The following DOCK8 variants were observed in gnomAD, a reference collection of about 807,000 sequenced individuals.
The protein encoded by DOCK8 is dedicator of cytokinesis 8.
DOCK8 carries 141 observed loss-of-function variants against 245.6 expected under a neutral mutation model. The observed-to-expected ratio is 0.57, with a 90% CI of 0.50 to 0.66. The LOEUF (loss-of-function observed/expected upper bound fraction) is 0.66, where lower values mean the gene tolerates loss of function less well. Among genes scored for constraint, DOCK8 ranks in the 30% least tolerant of loss-of-function variants. The probability of loss-of-function intolerance (pLI) is 0.00; values close to 1 mark genes in which losing one functional copy is unlikely to be tolerated. For missense variants in DOCK8, 2,965 were observed against 2,603.4 expected, an observed-to-expected ratio of 1.14 and a Z score of -3.02; for synonymous variants, 1,168 against 970.2, an observed-to-expected ratio of 1.20 and a Z score of -3.79.
chr9:407,013 C>T lies in DOCK8; in HGVS notation c.3474C>T (p.Phe1158=). Residue 1158 remains phenylalanine (F), a synonymous_variant, in exon 28 of 48, where the codon TTC becomes TTT. Transcript: ENST00000432829. ...CTTCCGAGTACCGCCAGCAGCACTT[C>T]CTCACCGGGCTCCTCTTCACAGAAC... ...DLTSEYRQQH[F]LTGLLFTELA... is the part of the protein sequence containing the mutation. 6.2e-7 allele frequency: 1 copy of T among 1,614,164 alleles called. No individual in the cohort carries two copies. The highest frequency in any genetic ancestry group is 8.5e-7 in the Non-Finnish European group (1 of 1,180,030).
intron 13 of DOCK8, 130 bp from the exon 14 acceptor site, chr9:340,029 C>T (rs557010566): frequency 3.4e-4 from 338 of 985,668 alleles, no homozygotes; most frequent in Non-Finnish European, 4.7e-4. Flanking sequence ...AGGAAATTAG[C>T]TCCAAAACTT....
chr9:283,885 T>A (rs1376559811), intron 2 of DOCK8, among the ~76,000 whole-genome samples: 1 of 152,230 alleles, frequency 6.6e-6, no homozygotes, highest in Non-Finnish European at 1.5e-5. Flanking sequence ...TTTGTATATG[T>A]AAATATGACA....
chr9:291,792 G>C (rs1247379097), intron 4 of DOCK8, among the ~76,000 whole-genome samples: 1 of 151,520 alleles, frequency 6.6e-6, no homozygotes, highest in Non-Finnish European at 1.5e-5. Context: ...GCCGGGCGCA[G>C]TGGCTCACAT....
At chr9:234,826 T>C (rs939720422) in intron 1 of DOCK8, among the ~76,000 whole-genome samples, 9 of 152,166 alleles carry the variant, frequency 5.9e-5, no homozygotes, top group Non-Finnish European at 1.5e-5. Context: ...TTTTAACTTC[T>C]TTGCCATTGG....
chr9:280,872 G>A (rs1339791036), intron 2 of DOCK8: 1 of 152,258 alleles, frequency 6.6e-6, no homozygotes, highest in Non-Finnish European at 1.5e-5. Context: ...GTTCAGCCTA[G>A]CCACGTTGAC....
intron 44 of DOCK8, among the ~76,000 whole-genome samples, chr9:449,561 G>A (rs1281463805): frequency 6.6e-6 from 1 of 152,152 alleles, no homozygotes; most frequent in Non-Finnish European, 1.5e-5. Flanking sequence ...AGGTTGTTGA[G>A]AGGAATAAAT....
intron 1 of DOCK8, among the ~76,000 whole-genome samples, chr9:255,154 A>G (rs1165656138): frequency 6.6e-6 from 1 of 152,168 alleles, no homozygotes; most frequent in Non-Finnish European, 1.5e-5. Flanking sequence ...GTCTCAATAT[A>G]TAAAAGGAAA....
Position 439,406 on chromosome 9 carries a change from A to G in DOCK8, c.5223+18A>G. On this transcript the variant is annotated intron_variant, in intron 40 of 47. Coordinates refer to ENST00000432829, the MANE Select transcript of DOCK8 (RefSeq NM_203447.4). The stretch of plus-strand genomic sequence containing the variant: ...TCAGCACGGTCAGTGCCCAGAGGGC[A>G]TCCCGGGGCCTGGCCTCCCATACTC... The G allele has an allele frequency of 6.2e-7, 1 of 1,611,298 alleles. No individual in the cohort carries two copies. Among genetic ancestry groups the G allele is most frequent in the Non-Finnish European group, 8.5e-7 (1 of 1,179,960 alleles).
At chr9:379,402 G>T (rs1242489625) in intron 20 of DOCK8, among the ~76,000 whole-genome samples, 1 of 152,170 alleles carries the variant, frequency 6.6e-6, no homozygotes, top group Non-Finnish European at 1.5e-5. Context: ...CTGGGGTGGG[G>T]CCTGAGATTC....
At chr9:298,151 G>A (rs1015224818) in intron 4 of DOCK8, among the ~76,000 whole-genome samples, 6 of 152,212 alleles carry the variant, frequency 3.9e-5, no homozygotes, top group African/African-American at 7.2e-5. Flanking sequence ...AGGGCCAGGT[G>A]GGGTAGCTCA....
intron 1 of DOCK8, among the ~76,000 whole-genome samples, chr9:219,506 G>A (rs2046836909): frequency 6.6e-6 from 1 of 151,974 alleles, no homozygotes; most frequent in African/African-American, 2.4e-5. Context: ...AAGGAACAAA[G>A]TATTAGGCAT....
chr9:391,999 G>A (rs1480623821), intron 24 of DOCK8, among the ~76,000 whole-genome samples: 4 of 151,702 alleles, frequency 2.6e-5, no homozygotes, highest in Non-Finnish European at 4.4e-5. Flanking sequence ...TTAGCCGGGT[G>A]TGGTGGCGGG....
chr9:455,767 AAAAT>A (rs35619420), intron 46 of DOCK8, among the ~76,000 whole-genome samples: 3 of 151,566 alleles, frequency 2.0e-5, no homozygotes, highest in Non-Finnish European at 4.4e-5. Flanking sequence ...TTCCTCCCAA[AAAAT>A]AAATAAATAA....
chr9:421,063 C>T lies in DOCK8; in HGVS notation c.4138C>T (p.Arg1380Cys). Residue 1380 changes from arginine (R) to cysteine (C), a missense_variant, in exon 32 of 48, where the codon CGC becomes TGC. By Grantham distance (180) the Arg-to-Cys change is radical. Around this residue, in one of 3 missense-constraint regions of DOCK8, gnomAD observed 2,825 missense variants for 2,453.5 expected, o/e 1.15. Coordinates refer to ENST00000432829, the MANE Select transcript of DOCK8 (RefSeq NM_203447.4). ...GGAAGGGGCCAGAGGGGAGATGATG[C>T]GCCGCCGGGCTCCAGGTGTGTTGGA... The part of the protein sequence containing the change: ...RGEGARGEMM[R>C]RRAPGNDRFP... 2 of 1,614,148 alleles carry T rather than the reference C, an allele frequency of 1.2e-6. No individual in the cohort carries two copies. Among genetic ancestry groups the T allele is most frequent in the Non-Finnish European group, 1.7e-6 (2 of 1,180,024 alleles).
chr9:244,595 T>G (rs1258055244), intron 1 of DOCK8, among the ~76,000 whole-genome samples: 1 of 152,200 alleles, frequency 6.6e-6, no homozygotes, highest in Non-Finnish European at 1.5e-5. Flanking sequence ...TTTGCTCACC[T>G]TTGAATTTTT....
intron 24 of DOCK8, among the ~76,000 whole-genome samples, chr9:393,851 T>C (rs2054315213): frequency 6.6e-6 from 1 of 152,156 alleles, no homozygotes; most frequent in East Asian, 1.9e-4. Context: ...AAAGCATTGA[T>C]CAAAAGGACT....
chr9:372,604 T>C (rs1252582073), intron 18 of DOCK8, among the ~76,000 whole-genome samples: 2 of 152,172 alleles, frequency 1.3e-5, no homozygotes, highest in African/African-American at 4.8e-5. Context: ...ACTGTTCCCA[T>C]CAAGGATCCT....
intron 14 of DOCK8, among the ~76,000 whole-genome samples, chr9:360,924 C>A (rs940742478): frequency 6.6e-6 from 1 of 152,098 alleles, no homozygotes; most frequent in Non-Finnish European, 1.5e-5. Flanking sequence ...CTTTAGGAGG[C>A]CCAGGCATGA....
At chr9:447,677 G>A (rs1020391033) in intron 44 of DOCK8, among the ~76,000 whole-genome samples, 1 of 152,154 alleles carries the variant, frequency 6.6e-6, no homozygotes, top group Admixed American at 6.5e-5. Context: ...TATCTAATTA[G>A]ATTGGGTCAT....
Sources: gnomAD v4.1 joint callset for allele counts (sites outside exome capture counted in the v4.1 genomes callset) on GRCh38, gnomAD v4.1.1 for gene constraint, gnomAD v4.1.1 regional missense constraint, MANE v1.5 for transcripts, NCBI Gene and HGNC (gene_info 2026-07-23, HGNC 2026-07-21) for gene names.